The following SFTPB variants were observed in gnomAD, a reference collection of about 807,000 sequenced individuals.
SFTPB encodes surfactant protein B, also known as pulmonary surfactant-associated protein B.
SFTPB carries 32 observed loss-of-function variants against 51.0 expected under a neutral mutation model. The ratio of observed to expected loss-of-function variants is 0.63; its 90% CI spans 0.47 to 0.84. The LOEUF is 0.84. Ranked by LOEUF, SFTPB falls within the 40% of genes least tolerant of loss-of-function variation. SFTPB has a pLI of 0.00. For synonymous variants in SFTPB, 211 were observed against 208.5 expected (o/e 1.01, Z -0.10); for missense variants, 431 against 491.2 (o/e 0.88, Z 1.16).
intron 6 of SFTPB, among the ~76,000 whole-genome samples, 195 bp from the exon 7 acceptor site, chr2:85,664,042 G>A (rs1045729730): frequency 3.9e-5 from 6 of 152,196 alleles, no homozygotes; most frequent in Non-Finnish European, 8.8e-5. Context: ...GGGTCACTGA[G>A]TGTAGGAGCC....
chr2:85,666,029 T>C (rs1026854897), intron 4 of SFTPB, among the ~76,000 whole-genome samples: 12 of 152,182 alleles, frequency 7.9e-5, no homozygotes, highest in African/African-American at 2.9e-4. Context: ...TGAGAATGAA[T>C]AAGTGTGTAA....
At position 85,667,125 on chromosome 2, in the gene SFTPB, GC is replaced by G; in HGVS notation, c.247del (p.Ala83ProfsTer10). ...EDIVHILNKM[A>X]KEAIFQDTMR... ...CATTACCTGGAAAATGGCCTCCTTG[GC>G]CATCTTGTTAAGGATGTGGACGATG... On this transcript the variant is annotated frameshift_variant, in exon 3 of 11. Coordinates refer to ENST00000519937, the MANE Select transcript of SFTPB (RefSeq NM_000542.5). LOFTEE classifies it high-confidence loss of function. 6.2e-7 allele frequency: 1 copy of G among 1,613,496 alleles called. No homozygotes were observed. Among genetic ancestry groups the G allele is most frequent in the Non-Finnish European group, 8.5e-7 (1 of 1,179,454 alleles).
chr2:85,660,701 T>C (rs569750348), intron 10 of SFTPB, among the ~76,000 whole-genome samples: 6 of 151,458 alleles, frequency 4.0e-5, no homozygotes, highest in African/African-American at 7.3e-5. Flanking sequence ...GTGATCTGCC[T>C]GCCTCGGCCT....
chr2:85,667,129 TCTTGTTA>T lies in SFTPB; in HGVS notation c.237_243del (p.Asn80TrpfsTer11). The T allele has an allele frequency of 6.2e-7, 1 of 1,613,936 alleles. No homozygotes were observed. The highest frequency in any genetic ancestry group is 8.5e-7 in the Non-Finnish European group (1 of 1,179,840). ...ACCTGGAAAATGGCCTCCTTGGCCATCTTGTTAAGGATGTGGACGATGTCCTCACACT... is the reference window on the plus strand; with the variant it reads ...ACCTGGAAAATGGCCTCCTTGGCCATAGGATGTGGACGATGTCCTCACACT... On this transcript the variant is annotated frameshift_variant, in exon 3 of 11. Coordinates refer to ENST00000519937, the MANE Select transcript of SFTPB (RefSeq NM_000542.5). LOFTEE classifies it high-confidence loss of function.
chr2:85,666,388 GTAC>G lies in SFTPB; in HGVS notation c.393+226_393+228del, dbSNP rs1310553319. 2.6e-3 allele frequency: 1,286 copies of G among 485,440 alleles called. 11 individuals carry two copies. Among genetic ancestry groups the G allele is most frequent in the African/African-American group, 5.9e-3 (251 of 42,876 alleles). 30.1% of individuals were successfully genotyped at this position (485,440 alleles called of 1,614,324 possible). Reference sequence around the variant, plus strand: ...GTGTGTGTGTGTCCGGCCAGCTGGGGTACTGTGTGTGTGTGTGTCCGGCCAGCT... The same window carrying G: ...GTGTGTGTGTGTCCGGCCAGCTGGGGTGTGTGTGTGTGTGTCCGGCCAGCT... On this transcript the variant is annotated intron_variant, in intron 4 of 10. Coordinates refer to ENST00000519937, the MANE Select transcript of SFTPB (RefSeq NM_000542.5).
intron 9 of SFTPB, among the ~76,000 whole-genome samples, 180 bp from the exon 10 acceptor site, chr2:85,661,715 G>A (rs1342463242): frequency 2.0e-5 from 3 of 152,128 alleles, no homozygotes; most frequent in Non-Finnish European, 4.4e-5. Flanking sequence ...GCCTGAGGAG[G>A]TGAGATGTTC....
Position 85,667,192 on chromosome 2 carries a change from G to T in SFTPB, c.196-15C>A. 1 of 1,607,804 alleles carries T rather than the reference G, an allele frequency of 6.2e-7. No homozygotes were observed. Among genetic ancestry groups the T allele is most frequent in the African/African-American group, 1.3e-5 (1 of 74,982 alleles). ...CATAGGTCATCCTGGGGAGGGAGGG[G>T]CCCCAAGGTGGAGGACACATGAGTG... On this transcript the variant is annotated splice_polypyrimidine_tract_variant and intron_variant, in intron 2 of 10. Coordinates refer to ENST00000519937, the MANE Select transcript of SFTPB (RefSeq NM_000542.5).
chr2:85,666,215 CTGTGTGTGTGTGTGTG>C (rs34530476), intron 4 of SFTPB, among the ~76,000 whole-genome samples: 1 of 96,358 alleles, frequency 1.0e-5, no homozygotes, highest in African/African-American at 4.2e-5. Flanking sequence ...TGTGTGTGTG[CTGTGTGTGTGTGTGTG>C]TGTGTGTGTG....
At chr2:85,666,775 T>C (rs1370150628) in intron 3 of SFTPB, 33 bp from the exon 4 acceptor site, 1 of 1,613,098 alleles carries the variant, frequency 6.2e-7, no homozygotes, top group Non-Finnish European at 8.5e-7. Context: ...CAGCTGGGCC[T>C]CTCTGAGGTC....
Position 85,661,485 on chromosome 2 carries a change from G to T in SFTPB, c.1134C>A (p.Ser378Arg). 1 of 1,611,710 alleles carries T rather than the reference G, an allele frequency of 6.2e-7. No homozygotes were observed. Among genetic ancestry groups the T allele is most frequent in the Non-Finnish European group, 8.5e-7 (1 of 1,179,032 alleles). ...TMSSPLQCIH[S>R]PDL ...AGCTGAGTTCTCATCAAAGGTCGGGGCTGTGGATACACTGGAGAGGGCTGG... is the reference window on the plus strand; with the variant it reads ...AGCTGAGTTCTCATCAAAGGTCGGGTCTGTGGATACACTGGAGAGGGCTGG... Residue 378 changes from serine (S) to arginine (R), a missense_variant, in exon 10 of 11, where the codon AGC (serine) becomes AGA (arginine). By Grantham distance (110) the Ser-to-Arg change is moderately radical. Transcript: ENST00000519937.
At chr2:85,667,283 C>T (rs1271395738) in intron 2 of SFTPB, 106 bp from the exon 3 acceptor site, 3 of 834,790 alleles carry the variant, frequency 3.6e-6, no homozygotes, top group African/African-American at 3.3e-5. Flanking sequence ...CTCCAAGGCA[C>T]ATGCAGCTGC....
chr2:85,662,407 A>T lies in SFTPB; in HGVS notation c.1003-298T>A. 4.2e-6 allele frequency: 3 copies of T among 717,174 alleles called. No homozygotes were observed. The South Asian group carries it at 6.3e-5, about 15-fold the overall frequency. The allele number at this position is 717,174 out of a possible 1,614,324, so 44.4% of individuals were successfully genotyped here. On this transcript the variant is annotated intron_variant, in intron 8 of 10. Coordinates refer to ENST00000519937, the MANE Select transcript of SFTPB (RefSeq NM_000542.5). Reference sequence around the variant, plus strand: ...CATTTCAGTTCTAGAAGGAAACTTAACGTTCATCTGGTCCTTGAGACCAGA... The same window carrying T: ...CATTTCAGTTCTAGAAGGAAACTTATCGTTCATCTGGTCCTTGAGACCAGA...
Position 85,663,424 on chromosome 2 carries a change from C to T in SFTPB, c.924G>A (p.Gln308=). Reference sequence around the variant, plus strand: ...TGGCCTGCTCGCTGCTGTTCCCGGCCTGGGTGGTCACGGACATGCAGAGGT... The same window carrying T: ...TGGCCTGCTCGCTGCTGTTCCCGGCTTGGGTGGTCACGGACATGCAGAGGT... The part of the protein sequence containing the change: ...ECHLCMSVTT[Q]AGNSSEQAIP... Residue 308 remains glutamine (Q), a synonymous_variant, in exon 8 of 11, where the codon CAG becomes CAA. Coordinates refer to ENST00000519937, the MANE Select transcript of SFTPB (RefSeq NM_000542.5). 1 of 1,614,070 alleles carries T rather than the reference C, an allele frequency of 6.2e-7. No individual in the cohort carries two copies. The highest frequency in any genetic ancestry group is 8.5e-7 in the Non-Finnish European group (1 of 1,180,046).
chr2:85,666,225 G>GC (rs1461870958), intron 4 of SFTPB, among the ~76,000 whole-genome samples: 1 of 143,766 alleles, frequency 7.0e-6, no homozygotes, highest in Non-Finnish European at 1.5e-5. Flanking sequence ...CTGTGTGTGT[G>GC]TGTGTGTGTG....
At chr2:85,664,378 G>T (rs891068708) in intron 6 of SFTPB, among the ~76,000 whole-genome samples, 1 of 152,028 alleles carries the variant, frequency 6.6e-6, no homozygotes, top group African/African-American at 2.4e-5. Context: ...AATAGCAGTG[G>T]GCCCACCTCC....
intron 8 of SFTPB, chr2:85,662,418 G>T: frequency 1.5e-6 from 1 of 654,678 alleles, no homozygotes; most frequent in Non-Finnish European, 2.2e-6. Context: ...CGTTCATCTG[G>T]TCCTTGAGAC....
At chr2:85,666,841 C>T (rs1263112941) in intron 3 of SFTPB, 99 bp from the exon 4 acceptor site, 1 of 1,510,974 alleles carries the variant, frequency 6.6e-7, no homozygotes. Context: ...GACCCCTAAT[C>T]CCCCAGGGTG....
At chr2:85,666,493 C>CTGTGTG (rs59023726) in intron 4 of SFTPB, 124 bp downstream of exon 4, 196 of 740,132 alleles carry the variant, frequency 2.6e-4, no homozygotes, top group East Asian at 1.6e-3. Flanking sequence ...GGCTTGGGTG[C>CTGTGTG]TGTGTGTGTG....
At chr2:85,666,426 T>G in intron 4 of SFTPB, 191 bp downstream of exon 4, 1 of 449,858 alleles carries the variant, frequency 2.2e-6, no homozygotes, top group Non-Finnish European at 4.1e-6. Flanking sequence ...TGGGGTGTTG[T>G]GTGTGTGTGT....
Sources: gnomAD v4.1 joint callset for allele counts (sites outside exome capture counted in the v4.1 genomes callset) on GRCh38, gnomAD v4.1.1 for gene constraint, MANE v1.5 for transcripts, NCBI Gene and HGNC (gene_info 2026-07-23, HGNC 2026-07-21) for gene names.